KNTC1: variants seen among roughly 807,000 people sequenced by gnomAD.
KNTC1 encodes kinetochore-associated protein 1.
A neutral mutation model predicts 314.4 loss-of-function variants in KNTC1; 253 were observed. The observed-to-expected ratio is 0.80, with a 90% CI of 0.73 to 0.89. The LOEUF is 0.89. Among genes scored for constraint, KNTC1 ranks in the 40% least tolerant of loss-of-function variants. The probability of loss-of-function intolerance (pLI) is 0.00; values close to 1 mark genes in which losing one functional copy is unlikely to be tolerated. For synonymous variants in KNTC1, 901 were observed against 901.4 expected (o/e 1.00, Z 0.01); for missense variants, 2,475 against 2,572.9 (o/e 0.96, Z 0.82).
At position 122,571,084 on chromosome 12, in the gene KNTC1, AGAC is replaced by A. The variant is rs1293817972; in HGVS notation, c.1980_1982del (p.Asp660del). The A allele has an allele frequency of 6.8e-6, 11 of 1,613,790 alleles. No individual in the cohort carries two copies. The highest frequency in any genetic ancestry group is 9.3e-6 in the Non-Finnish European group (11 of 1,179,756). ...AGATATTTTTTACAGCAGAAAAAAC[AGAC>A]GAGTTGGGATTGGCATCTTCCTGGC... On this transcript the variant is annotated inframe_deletion, in exon 24 of 64. Transcript: ENST00000333479.
intron 3 of KNTC1, among the ~76,000 whole-genome samples, chr12:122,536,225 G>A (rs1398715123): frequency 1.3e-5 from 2 of 150,670 alleles, no homozygotes; most frequent in South Asian, 2.1e-4. Flanking sequence ...TCTTTCTTGA[G>A]TAGAAATTTT....
At chr12:122,605,559 GT>G in intron 51 of KNTC1, 144 bp downstream of exon 51, 1 of 534,964 alleles carries the variant, frequency 1.9e-6, no homozygotes, top group Non-Finnish European at 3.4e-6. Flanking sequence ...TGTTTGTTTT[GT>G]TTTTGAGATG....
chr12:122,565,609 G>A (rs1432088684), intron 20 of KNTC1, among the ~76,000 whole-genome samples: 4 of 151,688 alleles, frequency 2.6e-5, no homozygotes, highest in South Asian at 2.1e-4. Context: ...ATTCTTGGCC[G>A]GGCACAGTGG....
chr12:122,542,732 C>T (rs907102006), intron 6 of KNTC1, among the ~76,000 whole-genome samples: 1 of 151,776 alleles, frequency 6.6e-6, no homozygotes, highest in Non-Finnish European at 1.5e-5. Flanking sequence ...CTGTTGCACT[C>T]CAGCCTGGGC....
At chr12:122,578,361 C>T (rs1965169228) in intron 31 of KNTC1, among the ~76,000 whole-genome samples, 1 of 151,860 alleles carries the variant, frequency 6.6e-6, no homozygotes, top group Non-Finnish European at 1.5e-5. Flanking sequence ...CTAGCCTTAG[C>T]CTCCCAAGTA....
intron 2 of KNTC1, among the ~76,000 whole-genome samples, chr12:122,533,670 C>T (rs1961562663): frequency 6.6e-6 from 1 of 152,068 alleles, no homozygotes; most frequent in Non-Finnish European, 1.5e-5. Context: ...GCATTCCAAC[C>T]TGAGCGACAG....
intron 46 of KNTC1, 23 bp downstream of exon 46, chr12:122,602,763 T>C (rs1372561894): frequency 6.2e-7 from 1 of 1,612,470 alleles, no homozygotes; most frequent in African/African-American, 1.3e-5. Context: ...TAACTTTTTA[T>C]GAATTTTACT....
chr12:122,591,377 A>G lies in KNTC1; in HGVS notation c.4169A>G (p.Gln1390Arg). The change falls in exon 42 of 64, where the codon CAG (glutamine) becomes CGG (arginine). Residue 1390 changes from glutamine (Q) to arginine (R), a missense_variant. Transcript: ENST00000333479. ...GGCTCTGAGCTGGCAAGTCTCTATC[A>G]GGAAATAGAAATGGGGCTTAAGTTC... ...LVGSELASLY[Q>R]EIEMGLKFRE... 1 of 1,611,378 alleles carries G rather than the reference A, an allele frequency of 6.2e-7. No individual in the cohort carries two copies.
intron 22 of KNTC1, 136 bp downstream of exon 22, chr12:122,569,960 TA>T: frequency 1.4e-6 from 1 of 692,168 alleles, no homozygotes; most frequent in Middle Eastern, 3.8e-4. Flanking sequence ...AAGTGTCTCT[TA>T]AAAGACAACT....
chr12:122,540,050 C>T (rs1030792801), intron 5 of KNTC1, among the ~76,000 whole-genome samples: 2 of 152,038 alleles, frequency 1.3e-5, no homozygotes, highest in Non-Finnish European at 2.9e-5. Context: ...TCCCAAAGTG[C>T]TGGGATTACA....
At chr12:122,615,414 T>C (rs1873665254) in intron 56 of KNTC1, 56 bp from the exon 57 acceptor site, 1 of 1,381,606 alleles carries the variant, frequency 7.2e-7, no homozygotes, top group Non-Finnish European at 9.8e-7. Flanking sequence ...GTATTTCACA[T>C]TGAAATTTTC....
chr12:122,597,200 A>G (rs1717004807), intron 43 of KNTC1: 1 of 151,892 alleles, frequency 6.6e-6, no homozygotes, highest in Admixed American at 6.5e-5. Context: ...ATTTCTCTCC[A>G]ATATTCTAAC....
intron 18 of KNTC1, among the ~76,000 whole-genome samples, chr12:122,558,881 G>C (rs1963784220): frequency 6.6e-6 from 1 of 151,988 alleles, no homozygotes; most frequent in Non-Finnish European, 1.5e-5. Flanking sequence ...AAAAACAAAA[G>C]AAAACAAAAC....
In KNTC1 at chr12:122,584,273, C is replaced by T; in HGVS notation, c.3264-5C>T. On this transcript the variant is annotated splice_region_variant and splice_polypyrimidine_tract_variant and intron_variant, in intron 34 of 63. Transcript: ENST00000333479. ...CTAACTACCAATACTTTCTTTCTTCCAAAGCGACTTGTTTAAGTATCACTG... is the reference window on the plus strand; with the variant it reads ...CTAACTACCAATACTTTCTTTCTTCTAAAGCGACTTGTTTAAGTATCACTG... 1 of 1,599,002 alleles carries T rather than the reference C, an allele frequency of 6.3e-7. No individual in the cohort carries two copies. The highest frequency in any genetic ancestry group is 8.5e-7 in the Non-Finnish European group (1 of 1,170,132).
In KNTC1 at chr12:122,585,726, G is replaced by A. The variant is rs377094070; in HGVS notation, c.3625G>A (p.Val1209Met). 1.9e-6 allele frequency: 3 copies of A among 1,613,704 alleles called. No homozygotes were observed. Among genetic ancestry groups the A allele is most frequent in the Non-Finnish European group, 1.7e-6 (2 of 1,179,650 alleles). The change falls in exon 37 of 64, where the codon GTG becomes ATG. Residue 1209 changes from valine (V) to methionine (M), a missense_variant. Transcript: ENST00000333479. The part of the protein sequence containing the change: ...EDGIVLESQM[V>M]LPVIYELISS... The stretch of plus-strand genomic sequence containing the variant: ...TGGAATTGTTCTTGAGTCACAGATG[G>A]TGCTTCCAGTGATTTATGAACTGAT...
intron 8 of KNTC1, among the ~76,000 whole-genome samples, chr12:122,544,714 C>T (rs1389405301): frequency 3.3e-5 from 5 of 152,102 alleles, no homozygotes; most frequent in African/African-American, 7.2e-5. Flanking sequence ...GATTCTACTG[C>T]TTTTTGTTTT....
rs751256032 is a variant in KNTC1 at position 122,590,723 on chromosome 12, C to T, written c.4116C>T (p.Tyr1372=). The change falls in exon 41 of 64, where the codon TAC becomes TAT. Residue 1372 remains tyrosine (Y), a synonymous_variant. Transcript: ENST00000333479. ...TCATAGATAAAGCATGGCAGAATTA[C>T]GACAAAATCTTGGTATGTCCTAAGG... is the stretch of plus-strand genomic sequence containing the variant. ...WKLIDKAWQN[Y]DKILAISLVG... 30 of 1,612,514 alleles carry T rather than the reference C, an allele frequency of 1.9e-5. 1 individual carries two copies. Among genetic ancestry groups the T allele is most frequent in the Admixed American group, 1.2e-4 (7 of 59,904 alleles).
intron 8 of KNTC1, 141 bp from the exon 9 acceptor site, chr12:122,546,035 G>A: frequency 1.6e-6 from 1 of 631,926 alleles, no homozygotes; most frequent in African/African-American, 1.9e-5. Flanking sequence ...GAGAGGAACT[G>A]GAAGATGAAA....
At chr12:122,614,500 G>C (rs1273553838) in intron 55 of KNTC1, among the ~76,000 whole-genome samples, 2 of 152,150 alleles carry the variant, frequency 1.3e-5, no homozygotes, top group Admixed American at 6.6e-5. Flanking sequence ...GGTGGTGTCT[G>C]AGTCCATGAC....
Sources: gnomAD v4.1 joint callset for allele counts (sites outside exome capture counted in the v4.1 genomes callset) on GRCh38, gnomAD v4.1.1 for gene constraint, MANE v1.5 for transcripts, NCBI Gene and HGNC (gene_info 2026-07-23, HGNC 2026-07-21) for gene names.